The following SCAF11 variants were observed in gnomAD, a reference collection of about 807,000 sequenced individuals.
SCAF11 encodes protein SCAF11.
In SCAF11, 47 loss-of-function variants were observed where a neutral mutation model predicts 140.5. The observed-to-expected ratio is 0.33, with a 90% CI of 0.26 to 0.43. The LOEUF (loss-of-function observed/expected upper bound fraction) is 0.43. Among genes scored for constraint, SCAF11 ranks in the 20% least tolerant of loss-of-function variants. SCAF11 has a pLI of 1.00. For missense variants in SCAF11, 1,645 were observed against 1,705.1 expected, an observed-to-expected ratio of 0.96 and a Z score of 0.62; for synonymous variants, 557 against 579.4, an observed-to-expected ratio of 0.96 and a Z score of 0.55.
At chr12:45,961,245 A>T in intron 3 of SCAF11, 1 of 694,104 alleles carries the variant, frequency 1.4e-6, no homozygotes, top group Non-Finnish European at 2.7e-6. Context: ...GTAAAATGGA[A>T]GGACACTATC....
chr12:45,922,215 G>C (rs1944731716), intron 14 of SCAF11, 21 bp from the exon 15 acceptor site: 1 of 1,581,444 alleles, frequency 6.3e-7, no homozygotes, highest in Non-Finnish European at 8.5e-7. Context: ...AGGGGTGGGG[G>C]GTAAACTTTT....
chr12:45,928,102 T>C lies in SCAF11; in HGVS notation c.1599A>G (p.Ser533=), dbSNP rs1565660924. ...LEKQDQISGL[S]QSEVKTDVCT... The stretch of plus-strand genomic sequence containing the variant: ...ATACATCTGTCTTTACCTCTGATTG[T>C]GAAAGTCCAGATATCTGGTCTTGCT... Residue 533 remains serine, a synonymous_variant, in exon 11 of 15, where the codon TCA becomes TCG. Transcript: ENST00000369367. 6.2e-7 allele frequency: 1 copy of C among 1,613,990 alleles called. No individual in the cohort carries two copies. The highest frequency in any genetic ancestry group is 1.7e-5 in the Admixed American group (1 of 60,018).
chr12:45,922,661 A>G (rs945971615), intron 13 of SCAF11, 79 bp from the exon 14 acceptor site: 8 of 1,371,672 alleles, frequency 5.8e-6, no homozygotes, highest in African/African-American at 1.5e-5. Context: ...AATTGAAAAT[A>G]CTTCATATTT....
At chr12:45,961,157 G>A in intron 3 of SCAF11, 1 of 562,474 alleles carries the variant, frequency 1.8e-6, no homozygotes, top group Non-Finnish European at 3.2e-6. Context: ...TAGAAAATCA[G>A]TTCTAAATTC....
chr12:45,984,161 A>G (rs1209181399), intron 1 of SCAF11, among the ~76,000 whole-genome samples: 2 of 152,222 alleles, frequency 1.3e-5, no homozygotes, highest in Admixed American at 1.3e-4. Context: ...ATAAAAAGAA[A>G]AAGGGATTAC....
upstream of SCAF11, chr12:45,991,984 G>T (rs532870660): frequency 7.8e-7 from 1 of 1,288,894 alleles, no homozygotes; most frequent in Admixed American, 2.3e-5. Flanking sequence ...CCTGACGCCT[G>T]CCCGGGATGA....
chr12:45,956,233 G>A (rs1429842990), intron 3 of SCAF11: 11 of 706,810 alleles, frequency 1.6e-5, no homozygotes, highest in Non-Finnish European at 2.1e-5. Flanking sequence ...AGTGCTTAAA[G>A]ACTAAATCTC....
rs147499819 is a variant in SCAF11 at position 45,928,521 on chromosome 12, C to G, written c.1180G>C (p.Val394Leu). The change falls in exon 11 of 15, where the codon GTA becomes CTA. Residue 394 changes from valine to leucine, a missense_variant. By Grantham distance (32) the Val-to-Leu change is conservative. This residue lies in a region of SCAF11 where 1,582 missense variants were observed against 1,609.2 expected (regional missense o/e 0.98). Transcript: ENST00000369367. ...GAAGATGATTTTTCAGGGGCAGCTA[C>G]AGAGCTCCGAAGTTTCTTTTTCAGT... ...PLLKKKLRSS[V>L]AAPEKSSSND... 6 of 1,614,078 alleles carry G rather than the reference C, an allele frequency of 3.7e-6. No individual in the cohort carries two copies. Among genetic ancestry groups the G allele is most frequent in the Non-Finnish European group, 5.1e-6 (6 of 1,179,992 alleles).
chr12:45,972,887 T>G (rs28773238), intron 1 of SCAF11, among the ~76,000 whole-genome samples: 5 of 32,368 alleles, frequency 1.5e-4, no homozygotes, highest in African/African-American at 2.7e-4. Flanking sequence ...TATAGATATA[T>G]ATATAGATAT....
intron 6 of SCAF11, among the ~76,000 whole-genome samples, chr12:45,939,580 C>G (rs1257044440): frequency 1.3e-5 from 2 of 152,154 alleles, no homozygotes; most frequent in Non-Finnish European, 2.9e-5. Context: ...TGCCTGTAAT[C>G]CCAGCTACTT....
intron 1 of SCAF11, among the ~76,000 whole-genome samples, chr12:45,976,507 A>T (rs1011186026): frequency 1.3e-5 from 2 of 152,134 alleles, no homozygotes; most frequent in African/African-American, 4.8e-5. Flanking sequence ...AGTTTCAGGC[A>T]TCTACTTGAA....
chr12:45,970,201 AT>A (rs571509230), intron 1 of SCAF11, among the ~76,000 whole-genome samples: 1 of 151,604 alleles, frequency 6.6e-6, no homozygotes, highest in Non-Finnish European at 1.5e-5. Context: ...GCCTCAACTA[AT>A]TTTTTTATTT....
intron 9 of SCAF11, among the ~76,000 whole-genome samples, chr12:45,932,643 G>A (rs1407764359): frequency 6.6e-6 from 1 of 152,066 alleles, no homozygotes; most frequent in Non-Finnish European, 1.5e-5. Flanking sequence ...TATTTATCTA[G>A]CACCATCTTA....
At position 45,961,910 on chromosome 12, in the gene SCAF11, TTG is replaced by T. The variant is rs965555659; in HGVS notation, c.62-55_62-54del. 6 of 1,497,268 alleles carry T rather than the reference TTG, an allele frequency of 4.0e-6. No individual in the cohort carries two copies. The African/African-American group carries it at 4.2e-5, about 11-fold the overall frequency. 92.7% of individuals were successfully genotyped at this position (1,497,268 alleles called of 1,614,324 possible). A position where few individuals can be genotyped will look rare whatever the true frequency, so the allele number is the denominator to read the frequency against. On this transcript the variant is annotated intron_variant, in intron 2 of 14. Coordinates refer to ENST00000369367, the MANE Select transcript of SCAF11 (RefSeq NM_004719.3). ...TTTCAAGTTCTCCAGACCAAAAATCTTGTGTTTCTAGGAGTATAGTGGATTAG... is the reference window on the plus strand; with the variant it reads ...TTTCAAGTTCTCCAGACCAAAAATCTTGTTTCTAGGAGTATAGTGGATTAG...
chr12:45,930,149 T>G (rs965283714), intron 10 of SCAF11, among the ~76,000 whole-genome samples: 4 of 152,224 alleles, frequency 2.6e-5, no homozygotes, highest in African/African-American at 9.6e-5. Flanking sequence ...ACAAGATGAA[T>G]CATCTGTCTG....
chr12:45,977,995 T>G lies in SCAF11; in HGVS notation c.-22+12358A>C, dbSNP rs566353819. ...GAAGACATCTATTATGACTCCCAGT[T>G]AGGTTACACTCTTATGTGACAGTCA... On this transcript the variant is annotated intron_variant, in intron 1 of 14. Transcript: ENST00000369367. Among the ~76,000 whole-genome samples, 3 of 152,246 alleles carry G rather than the reference T, an allele frequency of 2.0e-5. No homozygotes were observed. The East Asian group carries it at 5.8e-4, about 29-fold the overall frequency.
chr12:45,990,712 G>T (rs1489021677), upstream of SCAF11: 2 of 668,844 alleles, frequency 3.0e-6, no homozygotes, highest in African/African-American at 1.9e-5. Flanking sequence ...TTACTCGCTC[G>T]CTCTGGCCCT....
chr12:45,986,062 G>T (rs1477318096), intron 1 of SCAF11, among the ~76,000 whole-genome samples: 1 of 152,080 alleles, frequency 6.6e-6, no homozygotes, highest in Non-Finnish European at 1.5e-5. Flanking sequence ...AAATGTTAGA[G>T]GTCATTGTGG....
chr12:45,958,780 C>T (rs4768671), intron 3 of SCAF11, among the ~76,000 whole-genome samples: 128,285 of 152,218 alleles, frequency 0.84, 54,288 homozygotes, highest in South Asian at 0.93. Context: ...CTGACATACC[C>T]AAAGACTTTT....
Sources: allele counts gnomAD v4.1 joint callset (sites outside exome capture counted in the v4.1 genomes callset), GRCh38; gene constraint gnomAD v4.1.1; regional missense constraint gnomAD v4.1.1; transcripts MANE v1.5; gene names NCBI Gene and HGNC (gene_info 2026-07-23, HGNC 2026-07-21).